PLCB1: variants seen among roughly 807,000 people sequenced by gnomAD.
The protein encoded by PLCB1 is 1-phosphatidylinositol 4,5-bisphosphate phosphodiesterase beta-1.
Under a neutral mutation model 161.8 loss-of-function variants are expected in PLCB1, and 46 were observed. The ratio of observed to expected loss-of-function variants is 0.28; its 90% CI spans 0.22 to 0.36. The LOEUF (loss-of-function observed/expected upper bound fraction) is 0.36, where lower values mean the gene tolerates loss of function less well. Ranked by LOEUF, PLCB1 falls within the 10% of genes least tolerant of loss-of-function variation. PLCB1 has a pLI of 1.00. For synonymous variants in PLCB1, 517 were observed against 503.7 expected, an observed-to-expected ratio of 1.03 and a Z score of -0.35; for missense variants, 1,016 against 1,472.5, an observed-to-expected ratio of 0.69 and a Z score of 5.07.
At chr20:8,335,748 T>C (rs1985549559) in intron 2 of PLCB1, among the ~76,000 whole-genome samples, 1 of 152,272 alleles carries the variant, frequency 6.6e-6, no homozygotes, top group Non-Finnish European at 1.5e-5. Flanking sequence ...TACAGAGCTC[T>C]TCTTGGCATC....
At position 8,524,928 on chromosome 20, in the gene PLCB1, C is replaced by T. The variant is rs1013129930; in HGVS notation, c.247-103366C>T. ...ACTGCCACAGCTGGGAACATTACTGCACCTACTTCCTAGTGCCTTGCAGGC... is the reference window on the plus strand; with the variant it reads ...ACTGCCACAGCTGGGAACATTACTGTACCTACTTCCTAGTGCCTTGCAGGC... On this transcript the variant is annotated intron_variant, in intron 3 of 31. Transcript: ENST00000338037. Among the ~76,000 whole-genome samples, 9 of 152,292 alleles carry T rather than the reference C, an allele frequency of 5.9e-5. 1 individual carries two copies.
intron 3 of PLCB1, among the ~76,000 whole-genome samples, chr20:8,566,529 AAACAT>A (rs1986340359): frequency 6.6e-6 from 1 of 152,152 alleles, no homozygotes; most frequent in African/African-American, 2.4e-5. Flanking sequence ...ATCACCAAAT[AAACAT>A]AACATTTCTG....
chr20:8,272,996 C>G (rs564074392), intron 2 of PLCB1, among the ~76,000 whole-genome samples: 16 of 152,210 alleles, frequency 1.1e-4, no homozygotes, highest in Non-Finnish European at 2.1e-4. Flanking sequence ...TGTACTCATT[C>G]CTGACACAAA....
intron 3 of PLCB1, among the ~76,000 whole-genome samples, chr20:8,473,634 A>G (rs1982149720): frequency 6.6e-6 from 1 of 152,172 alleles, no homozygotes; most frequent in East Asian, 1.9e-4. Flanking sequence ...GCTCTAGTGC[A>G]ATAATGTGAA....
intron 2 of PLCB1, among the ~76,000 whole-genome samples, chr20:8,358,537 C>T (rs930770308): frequency 6.6e-6 from 1 of 152,144 alleles, no homozygotes; most frequent in Non-Finnish European, 1.5e-5. Flanking sequence ...AGGCGTGAGC[C>T]ACCGAGCCCG....
intron 25 of PLCB1, among the ~76,000 whole-genome samples, chr20:8,760,812 A>G (rs1981981331): frequency 6.6e-6 from 1 of 152,254 alleles, no homozygotes; most frequent in Admixed American, 6.5e-5. Context: ...TATGCAGAAT[A>G]TGATCCATTT....
chr20:8,654,134 C>T (rs763540739), intron 7 of PLCB1, among the ~76,000 whole-genome samples: 1 of 151,808 alleles, frequency 6.6e-6, no homozygotes, highest in Non-Finnish European at 1.5e-5. Context: ...AATGCAAATG[C>T]CACCAGTACT....
intron 2 of PLCB1, among the ~76,000 whole-genome samples, chr20:8,187,662 A>T (rs1304256507): frequency 6.6e-6 from 1 of 152,066 alleles, no homozygotes; most frequent in Admixed American, 6.6e-5. Flanking sequence ...TGCAATGTGG[A>T]TGCTGTTGGA....
chr20:8,662,375 A>ACG (rs1989691931), intron 9 of PLCB1, among the ~76,000 whole-genome samples: 2 of 128,972 alleles, frequency 1.6e-5, no homozygotes, highest in African/African-American at 6.0e-5. Flanking sequence ...TTATATAATT[A>ACG]TGTATAATAT....
chr20:8,774,897 A>G (rs1982870349), intron 27 of PLCB1, among the ~76,000 whole-genome samples, 178 bp downstream of exon 27: 3 of 152,194 alleles, frequency 2.0e-5, no homozygotes, highest in Admixed American at 2.0e-4. Context: ...CACTGTCTTA[A>G]CATCTTTACC....
At chr20:8,538,201 CAT>C (rs759801106) in intron 3 of PLCB1, among the ~76,000 whole-genome samples, 1 of 152,032 alleles carries the variant, frequency 6.6e-6, no homozygotes, top group Non-Finnish European at 1.5e-5. Flanking sequence ...GAAATATTCA[CAT>C]ATCTTATGAA....
chr20:8,628,881 C>T (rs1472365880), intron 4 of PLCB1, among the ~76,000 whole-genome samples: 18 of 151,798 alleles, frequency 1.2e-4, no homozygotes, highest in Admixed American at 1.1e-3. Flanking sequence ...TTGCAGTGAG[C>T]CAAGATTTGC....
chr20:8,649,266 A>C, intron 6 of PLCB1, 108 bp from the exon 7 acceptor site: 3 of 688,130 alleles, frequency 4.4e-6, no homozygotes, highest in Non-Finnish European at 5.2e-6. Flanking sequence ...TTAAATATGA[A>C]TAATAAATAG....
chr20:8,393,654 G>T (rs1477093692), intron 3 of PLCB1, among the ~76,000 whole-genome samples: 1 of 152,078 alleles, frequency 6.6e-6, no homozygotes, highest in African/African-American at 2.4e-5. Context: ...ATAAGTTTGG[G>T]AAATGCTAAG....
chr20:8,152,849 A>T (rs956513855), intron 2 of PLCB1, among the ~76,000 whole-genome samples: 7 of 152,194 alleles, frequency 4.6e-5, no homozygotes, highest in Non-Finnish European at 2.9e-5. Flanking sequence ...AGGTGAGCAG[A>T]AATCCCTAGC....
At chr20:8,533,433 C>T (rs1347880113) in intron 3 of PLCB1, among the ~76,000 whole-genome samples, 8 of 151,888 alleles carry the variant, frequency 5.3e-5, no homozygotes, top group African/African-American at 1.9e-4. Flanking sequence ...CCTGAGAAAT[C>T]GCCACACTGA....
intron 2 of PLCB1, among the ~76,000 whole-genome samples, chr20:8,303,924 A>T (rs1430448709): frequency 6.6e-6 from 1 of 152,222 alleles, no homozygotes; most frequent in Non-Finnish European, 1.5e-5. Flanking sequence ...GAAATGAGTG[A>T]TTGCCAATAA....
chr20:8,287,930 G>A (rs1030285952), intron 2 of PLCB1, among the ~76,000 whole-genome samples: 6 of 152,116 alleles, frequency 3.9e-5, no homozygotes, highest in East Asian at 1.9e-4. Flanking sequence ...TGTGTTGGAC[G>A]CAGCCATTTT....
At chr20:8,158,429 G>T (rs1411238495) in intron 2 of PLCB1, among the ~76,000 whole-genome samples, 3 of 152,106 alleles carry the variant, frequency 2.0e-5, no homozygotes, top group East Asian at 1.9e-4. Flanking sequence ...AAAGAAAGAG[G>T]TCTCACCCAC....
Sources: gnomAD v4.1 joint callset for allele counts (sites outside exome capture counted in the v4.1 genomes callset) on GRCh38, gnomAD v4.1.1 for gene constraint, MANE v1.5 for transcripts, NCBI Gene and HGNC (gene_info 2026-07-23, HGNC 2026-07-21) for gene names.